The following NKAIN2 variants were observed in gnomAD, a reference collection of about 807,000 sequenced individuals.
NKAIN2 encodes sodium/potassium-transporting ATPase subunit beta-1-interacting protein 2.
A neutral mutation model predicts 32.6 loss-of-function variants in NKAIN2; 14 were observed. That is an observed-to-expected ratio of 0.43 (90% CI 0.28 to 0.67). The LOEUF (loss-of-function observed/expected upper bound fraction) is 0.67. NKAIN2 is among the 30% of genes least tolerant of loss of function. The pLI is 0.17. For missense variants in NKAIN2, 198 were observed against 258.3 expected (o/e 0.77, Z 1.60); for synonymous variants, 80 against 87.2 (o/e 0.92, Z 0.46).
chr6:124,473,549 C>T (rs1777061982), intron 3 of NKAIN2, among the ~76,000 whole-genome samples: 1 of 152,102 alleles, frequency 6.6e-6, no homozygotes, highest in African/African-American at 2.4e-5. Context: ...AATTATCTTA[C>T]TTGTTGGCAC....
At chr6:124,434,961 ATAT>A (rs370577691) in intron 3 of NKAIN2, among the ~76,000 whole-genome samples, 2 of 152,212 alleles carry the variant, frequency 1.3e-5, no homozygotes, top group African/African-American at 2.4e-5. Context: ...TATTCAGTAA[ATAT>A]TATATGCAGC....
chr6:123,809,725 T>A (rs2114858908), intron 1 of NKAIN2, among the ~76,000 whole-genome samples: 1 of 152,294 alleles, frequency 6.6e-6, no homozygotes, highest in South Asian at 2.1e-4. Flanking sequence ...TCTTTTTCTT[T>A]CCTTGAATTA....
At position 124,521,134 on chromosome 6, in the gene NKAIN2, C is replaced by T. The variant is rs1444552942; in HGVS notation, c.274-137052C>T. ...TTTGTATGCTTTTTTGTTGTTGTTG[C>T]CTCATTGCACTGGCTAGGACCTAGT... On this transcript the variant is annotated intron_variant, in intron 3 of 6. Coordinates refer to ENST00000368417, the MANE Select transcript of NKAIN2 (RefSeq NM_001040214.3). Among the ~76,000 whole-genome samples the T allele has an allele frequency of 2.6e-5, 4 of 152,012 alleles. No individual in the cohort carries two copies. The South Asian group carries it at 8.3e-4, about 32-fold the overall frequency.
intron 2 of NKAIN2, among the ~76,000 whole-genome samples, chr6:124,299,827 GTAACT>G (rs1796225483): frequency 6.6e-6 from 1 of 152,178 alleles, no homozygotes; most frequent in Non-Finnish European, 1.5e-5. Context: ...ATTTAAAAGT[GTAACT>G]TAACAATGAA....
intron 3 of NKAIN2, among the ~76,000 whole-genome samples, chr6:124,403,196 C>G (rs1311775243): frequency 6.6e-6 from 1 of 151,844 alleles, no homozygotes; most frequent in East Asian, 1.9e-4. Flanking sequence ...GTTTTATAGT[C>G]TAAACATCTA....
At chr6:124,626,332 T>TTTGAG (rs1783342365) in intron 3 of NKAIN2, among the ~76,000 whole-genome samples, 1 of 151,990 alleles carries the variant, frequency 6.6e-6, no homozygotes, top group South Asian at 2.1e-4. Context: ...TGGGATCAGC[T>TTTGAG]TTGAGTTGAT....
At chr6:124,746,852 G>A (rs9372790) in intron 4 of NKAIN2, among the ~76,000 whole-genome samples, 81,174 of 151,410 alleles carry the variant, frequency 0.54, 22,111 homozygotes, top group East Asian at 0.71. Context: ...TTTCTTATCC[G>A]TAAAATGAGA....
At chr6:124,061,983 G>A (rs939413363) in intron 1 of NKAIN2, among the ~76,000 whole-genome samples, 1 of 152,122 alleles carries the variant, frequency 6.6e-6, no homozygotes, top group African/African-American at 2.4e-5. Context: ...TAACACAAAC[G>A]TGGTGCAGAA....
chr6:124,512,195 C>T (rs1362043404), intron 3 of NKAIN2, among the ~76,000 whole-genome samples: 1 of 152,232 alleles, frequency 6.6e-6, no homozygotes, highest in South Asian at 2.1e-4. Flanking sequence ...ATATTTGAAA[C>T]ATCCACAAAT....
chr6:124,039,458 GTTA>G (rs1298508889), intron 1 of NKAIN2, among the ~76,000 whole-genome samples: 4 of 151,728 alleles, frequency 2.6e-5, no homozygotes, highest in Admixed American at 2.0e-4. Flanking sequence ...TTGTAATTCA[GTTA>G]TTATTTTACA....
chr6:123,993,209 T>C (rs189388009), intron 1 of NKAIN2, among the ~76,000 whole-genome samples: 1 of 152,318 alleles, frequency 6.6e-6, no homozygotes, highest in East Asian at 1.9e-4. Context: ...TATCTCTGTC[T>C]ACATCATTTA....
At chr6:124,691,550 T>C (rs2114539208) in intron 4 of NKAIN2, among the ~76,000 whole-genome samples, 1 of 152,290 alleles carries the variant, frequency 6.6e-6, no homozygotes, top group South Asian at 2.1e-4. Flanking sequence ...TTGTCTCCAC[T>C]TTTATTGTCA....
chr6:124,308,004 C>G (rs1156390037), intron 2 of NKAIN2, among the ~76,000 whole-genome samples: 4 of 152,204 alleles, frequency 2.6e-5, no homozygotes, highest in African/African-American at 9.6e-5. Flanking sequence ...TTTAAGTTCT[C>G]AGATACATGT....
At chr6:124,715,137 A>G (rs568696514) in intron 4 of NKAIN2, among the ~76,000 whole-genome samples, 19 of 152,296 alleles carry the variant, frequency 1.2e-4, no homozygotes, top group African/African-American at 4.3e-4. Context: ...TCTAGAATAC[A>G]GACATTTTCT....
intron 4 of NKAIN2, among the ~76,000 whole-genome samples, chr6:124,790,449 GC>G (rs1415520973): frequency 6.6e-6 from 1 of 151,944 alleles, no homozygotes; most frequent in Non-Finnish European, 1.5e-5. Context: ...CCAGATCAAT[GC>G]CTGTCTGAAA....
chr6:124,648,864 A>G (rs1245197782), intron 3 of NKAIN2, among the ~76,000 whole-genome samples: 1 of 152,218 alleles, frequency 6.6e-6, no homozygotes, highest in African/African-American at 2.4e-5. Flanking sequence ...AAATACATGG[A>G]GATTAAACAA....
intron 1 of NKAIN2, among the ~76,000 whole-genome samples, chr6:124,256,530 T>G (rs1358234510): frequency 6.6e-6 from 1 of 152,208 alleles, no homozygotes; most frequent in Non-Finnish European, 1.5e-5. Flanking sequence ...CACACCATCC[T>G]AAATCTGATA....
intron 1 of NKAIN2, among the ~76,000 whole-genome samples, chr6:124,194,331 A>G (rs1177569231): frequency 6.6e-6 from 1 of 151,898 alleles, no homozygotes; most frequent in Non-Finnish European, 1.5e-5. Flanking sequence ...TTTTGTGTTT[A>G]CCATTTTCAT....
chr6:124,105,321 G>C (rs1336192953), intron 1 of NKAIN2, among the ~76,000 whole-genome samples: 5 of 152,156 alleles, frequency 3.3e-5, no homozygotes, highest in African/African-American at 1.2e-4. Context: ...CACGTCAGTG[G>C]GTTCAGGGGC....
Sources: allele counts gnomAD v4.1 joint callset (sites outside exome capture counted in the v4.1 genomes callset), GRCh38; gene constraint gnomAD v4.1.1; transcripts MANE v1.5; gene names NCBI Gene and HGNC (gene_info 2026-07-23, HGNC 2026-07-21).